ERC1: variants seen among roughly 807,000 people sequenced by gnomAD.
ERC1 encodes the protein ELKS/RAB6-interacting/CAST family member 1.
ERC1 carries 56 observed loss-of-function variants against 132.0 expected under a neutral mutation model. That is an observed-to-expected ratio of 0.42 (90% CI 0.34 to 0.53). The LOEUF is 0.53. ERC1 is among the 20% of genes least tolerant of loss of function. The probability of loss-of-function intolerance (pLI) is 0.03; values close to 1 mark genes in which losing one functional copy is unlikely to be tolerated. For missense variants in ERC1, 1,202 were observed against 1,349.9 expected, an observed-to-expected ratio of 0.89 and a Z score of 1.72; for synonymous variants, 478 against 476.1, an observed-to-expected ratio of 1.00 and a Z score of -0.05.
chr12:1,441,063 AT>A (rs144536959), intron 17 of ERC1, among the ~76,000 whole-genome samples: 2,278 of 145,202 alleles, frequency 0.016, 45 homozygotes, highest in African/African-American at 0.048. Flanking sequence ...CTGTTTGAAA[AT>A]TTTTTTTTTT....
At chr12:1,299,108 A>G (rs1038739901) in intron 15 of ERC1, among the ~76,000 whole-genome samples, 1 of 152,202 alleles carries the variant, frequency 6.6e-6, no homozygotes, top group African/African-American at 2.4e-5. Context: ...TTCCTTAGAA[A>G]CTGATAGAAT....
At chr12:1,178,641 G>A (rs1455851041) in intron 8 of ERC1, among the ~76,000 whole-genome samples, 3 of 152,138 alleles carry the variant, frequency 2.0e-5, no homozygotes, top group African/African-American at 4.8e-5. Context: ...GCAACAGACT[G>A]TTCCTAGAGG....
At chr12:1,465,630 C>T (rs1321763294) in intron 18 of ERC1, among the ~76,000 whole-genome samples, 2 of 152,240 alleles carry the variant, frequency 1.3e-5, no homozygotes, top group African/African-American at 4.8e-5. Flanking sequence ...TATGAACCAT[C>T]TCCAGTTTGC....
chr12:1,262,505 C>G (rs1026834548), intron 13 of ERC1, among the ~76,000 whole-genome samples: 2 of 152,204 alleles, frequency 1.3e-5, no homozygotes, highest in African/African-American at 4.8e-5. Flanking sequence ...ACCATACATT[C>G]TTGAAATACT....
intron 13 of ERC1, among the ~76,000 whole-genome samples, chr12:1,250,483 T>C (rs2076405058): frequency 6.6e-6 from 1 of 152,234 alleles, no homozygotes; most frequent in East Asian, 1.9e-4. Context: ...AAAATTTCTT[T>C]TTAGTTTTTC....
At chr12:1,131,837 G>A (rs569277372) in intron 7 of ERC1, among the ~76,000 whole-genome samples, 1 of 152,266 alleles carries the variant, frequency 6.6e-6, no homozygotes, top group South Asian at 2.1e-4. Flanking sequence ...ACTTCCATTG[G>A]TAGAGAAAAC....
chr12:1,459,168 A>G (rs1192810336), intron 18 of ERC1, among the ~76,000 whole-genome samples: 1 of 152,234 alleles, frequency 6.6e-6, no homozygotes, highest in Non-Finnish European at 1.5e-5. Flanking sequence ...TATTTCCTAT[A>G]TCAAATAATA....
intron 15 of ERC1, among the ~76,000 whole-genome samples, chr12:1,309,559 T>C (rs2081133858): frequency 6.6e-6 from 1 of 152,092 alleles, no homozygotes; most frequent in Non-Finnish European, 1.5e-5. Flanking sequence ...CATGGCCTAT[T>C]TTTTTACTCT....
Position 1,247,580 on chromosome 12 carries a change from A to AATT in ERC1, c.2487+10677_2487+10678insTTA, listed in dbSNP as rs1365090578. ...GAAATAAGTATGCTTTGGAATTTAA[A>AATT]AATGTCTTACTACCAAAATTAACAT... On this transcript the variant is annotated intron_variant, in intron 13 of 18. Transcript: ENST00000360905. Among the ~76,000 whole-genome samples, 8 of 152,238 alleles carry AATT rather than the reference A, an allele frequency of 5.3e-5. 1 individual carries two copies. Among genetic ancestry groups the AATT allele is most frequent in the Admixed American group, 5.2e-4 (8 of 15,284 alleles).
intron 13 of ERC1, among the ~76,000 whole-genome samples, chr12:1,243,191 C>G (rs2075931055): frequency 8.0e-6 from 1 of 125,400 alleles, no homozygotes; most frequent in African/African-American, 3.3e-5. Context: ...GAGACTCCGT[C>G]TCAAAAAAAA....
intron 15 of ERC1, among the ~76,000 whole-genome samples, chr12:1,369,045 TATC>T (rs2086928057): frequency 6.6e-6 from 1 of 152,268 alleles, no homozygotes; most frequent in Middle Eastern, 3.4e-3. Context: ...CATAGCATAT[TATC>T]ATTGCTTAGT....
At position 1,494,322 on chromosome 12, in the gene ERC1, A is replaced by C. The variant is rs546182764; in HGVS notation, c.*4092A>C. ...CTGGGCTGCTCAGGAGGGGACGTGA[A>C]CCACTCAAAGGAATGTCTTAAAGAG... is the stretch of plus-strand genomic sequence containing the variant. On this transcript the variant is annotated 3_prime_UTR_variant, in exon 19 of 19. Coordinates refer to ENST00000360905, the MANE Select transcript of ERC1 (RefSeq NM_178040.4). 1 of 231,588 alleles carries C rather than the reference A, an allele frequency of 4.3e-6. No individual in the cohort carries two copies. The highest frequency in any genetic ancestry group is 1.8e-4 in the South Asian group (1 of 5,506). 14.3% of individuals were successfully genotyped at this position (231,588 alleles called of 1,614,324 possible).
At chr12:1,199,366 A>G (rs1956676865) in intron 12 of ERC1, among the ~76,000 whole-genome samples, 1 of 152,250 alleles carries the variant, frequency 6.6e-6, no homozygotes, top group Non-Finnish European at 1.5e-5. Context: ...TGGCTTTTAC[A>G]TCATGATTAA....
At chr12:1,068,956 C>T (rs754577178) in intron 2 of ERC1, among the ~76,000 whole-genome samples, 74 of 151,508 alleles carry the variant, frequency 4.9e-4, no homozygotes, top group Non-Finnish European at 1.5e-4. Flanking sequence ...TCTTTTTTGG[C>T]GAATGGTTGT....
chr12:1,148,986 C>T (rs926141452), intron 8 of ERC1, among the ~76,000 whole-genome samples: 26 of 151,934 alleles, frequency 1.7e-4, no homozygotes, highest in Admixed American at 7.9e-4. Flanking sequence ...TTTTTGTTGA[C>T]GTTACTGTAT....
intron 1 of ERC1, among the ~76,000 whole-genome samples, chr12:1,000,189 AAATAAGAT>A (rs1961926322): frequency 1.3e-5 from 2 of 152,114 alleles, no homozygotes; most frequent in Non-Finnish European, 2.9e-5. Flanking sequence ...TTTTGCATGG[AAATAAGAT>A]AATCAGGCCA....
At chr12:1,434,332 A>G (rs2092890203) in intron 17 of ERC1, among the ~76,000 whole-genome samples, 1 of 152,158 alleles carries the variant, frequency 6.6e-6, no homozygotes, top group Admixed American at 6.5e-5. Context: ...AGATATATGA[A>G]GATTCTATAT....
At chr12:1,255,325 T>C (rs981359417) in intron 13 of ERC1, among the ~76,000 whole-genome samples, 5 of 152,332 alleles carry the variant, frequency 3.3e-5, no homozygotes, top group African/African-American at 9.6e-5. Context: ...TGTGCCACAT[T>C]TGCTTAATCC....
intron 17 of ERC1, among the ~76,000 whole-genome samples, chr12:1,413,223 A>G (rs548224221): frequency 1.3e-5 from 2 of 152,294 alleles, no homozygotes; most frequent in East Asian, 3.9e-4. Flanking sequence ...CTCCTAAGAC[A>G]CACGGACTGA....
Sources: allele counts gnomAD v4.1 joint callset (sites outside exome capture counted in the v4.1 genomes callset), GRCh38; gene constraint gnomAD v4.1.1; transcripts MANE v1.5; gene names NCBI Gene and HGNC (gene_info 2026-07-23, HGNC 2026-07-21).